MXI1: variants seen among roughly 807,000 people sequenced by gnomAD.
The protein encoded by MXI1 is MAX interactor 1, dimerization protein.
In MXI1, 18 loss-of-function variants were observed where a neutral mutation model predicts 36.9. The observed-to-expected ratio is 0.49, with a 90% CI of 0.34 to 0.72. The LOEUF is 0.72. Among genes scored for constraint, MXI1 ranks in the 30% least tolerant of loss-of-function variants. The pLI is 0.01. For missense variants in MXI1, 304 were observed against 379.1 expected, an observed-to-expected ratio of 0.80 and a Z score of 1.64; for synonymous variants, 160 against 146.7, an observed-to-expected ratio of 1.09 and a Z score of -0.65.
chr10:110,226,463 TGTGGGG>T, intron 1 of MXI1: 1 of 133,456 alleles, frequency 7.5e-6, no homozygotes, highest in Non-Finnish European at 8.6e-6. Flanking sequence ...GGGAGGGGCG[TGTGGGG>T]AGGGGAGCGC....
chr10:110,214,822 T>C (rs1430988973), intron 1 of MXI1, among the ~76,000 whole-genome samples: 1 of 147,998 alleles, frequency 6.8e-6, no homozygotes, highest in Non-Finnish European at 1.5e-5. Context: ...GGGAGATGAA[T>C]TGTGGTTTTG....
intron 2 of MXI1, among the ~76,000 whole-genome samples, chr10:110,239,860 A>G (rs1208610581): frequency 1.3e-5 from 2 of 152,182 alleles, no homozygotes; most frequent in African/African-American, 4.8e-5. Context: ...AAGCAAAGAA[A>G]TATTACAAAT....
chr10:110,231,911 A>G (rs932396089), intron 2 of MXI1, among the ~76,000 whole-genome samples: 4 of 151,746 alleles, frequency 2.6e-5, no homozygotes, highest in Non-Finnish European at 5.9e-5. Flanking sequence ...TCCTAATCTC[A>G]GCTACCATCA....
chr10:110,278,303 CT>C (rs201433141), intron 3 of MXI1, among the ~76,000 whole-genome samples: 1,546 of 152,308 alleles, frequency 0.01, 13 homozygotes, highest in Non-Finnish European at 0.015. Flanking sequence ...TTTCCCTCAA[CT>C]TTCCCACAGG....
At position 110,285,534 on chromosome 10, in the gene MXI1, T is replaced by A. The variant is rs924397269; in HGVS notation, c.*547T>A. On this transcript the variant is annotated 3_prime_UTR_variant, in exon 6 of 6. Transcript: ENST00000332674. Reference sequence around the variant, plus strand: ...TGATCAATCCTTTATTATTATTTTTTTTTTTTGAAAAAAGCTCATTTCATG... The same window carrying A: ...TGATCAATCCTTTATTATTATTTTTATTTTTTGAAAAAAGCTCATTTCATG... 1.3e-5 allele frequency: 2 copies of A among 152,430 alleles called. No individual in the cohort carries two copies. The highest frequency in any genetic ancestry group is 6.6e-5 in the Admixed American group (1 of 15,260). 9.4% of individuals were successfully genotyped at this position (152,430 alleles called of 1,614,324 possible).
chr10:110,262,753 A>T lies in MXI1; in HGVS notation c.438-16427A>T, dbSNP rs149432469. ...ACTGAAAATCTAAGTCCCTGTAAGT[A>T]ATATGCTCTACCAGTCTGGTTAATG... On this transcript the variant is annotated intron_variant, in intron 3 of 5. Coordinates refer to ENST00000332674, the MANE Select transcript of MXI1 (RefSeq NM_130439.3). Among the ~76,000 whole-genome samples the T allele has an allele frequency of 3.0e-4, 45 of 152,260 alleles. 2 individuals carry two copies. The East Asian group carries it at 7.5e-3, about 25-fold the overall frequency.
At chr10:110,264,358 T>C (rs1856616958) in intron 3 of MXI1, among the ~76,000 whole-genome samples, 1 of 150,038 alleles carries the variant, frequency 6.7e-6, no homozygotes, top group Non-Finnish European at 1.5e-5. Context: ...AAGAAATATA[T>C]TAGTAATTGA....
chr10:110,218,767 G>C (rs1179699989), intron 1 of MXI1, among the ~76,000 whole-genome samples: 1 of 152,188 alleles, frequency 6.6e-6, no homozygotes, highest in Non-Finnish European at 1.5e-5. Flanking sequence ...CACCCTGTCA[G>C]GCTTATTAGG....
intron 2 of MXI1, among the ~76,000 whole-genome samples, chr10:110,231,359 T>TCCC (rs71486098): frequency 1.1e-4 from 14 of 123,632 alleles, no homozygotes; most frequent in African/African-American, 3.6e-4. Context: ...AGAGTGATAA[T>TCCC]CCACCCCCCC....
Position 110,286,851 on chromosome 10 carries a change from T to A in MXI1, c.*1864T>A, listed in dbSNP as rs897211703. The stretch of plus-strand genomic sequence containing the variant: ...GATGTGAGTGAAAAACTGCATGCCT[T>A]TAGAAGCCCAGTATCAGAACTTGCT... On this transcript the variant is annotated 3_prime_UTR_variant, in exon 6 of 6. Transcript: ENST00000332674. 2 of 152,224 alleles carry A rather than the reference T, an allele frequency of 1.3e-5. No individual in the cohort carries two copies. The highest frequency in any genetic ancestry group is 4.8e-5 in the African/African-American group (2 of 41,462). The allele number at this position is 152,224 out of a possible 1,614,324, so 9.4% of individuals were successfully genotyped here.
chr10:110,265,991 T>C (rs1478363005), intron 3 of MXI1, among the ~76,000 whole-genome samples: 1 of 152,212 alleles, frequency 6.6e-6, no homozygotes, highest in Admixed American at 6.5e-5. Flanking sequence ...TCAGCATGGA[T>C]AAGATAGATA....
chr10:110,281,161 C>G (rs1463017469), intron 5 of MXI1, among the ~76,000 whole-genome samples: 2 of 152,166 alleles, frequency 1.3e-5, no homozygotes, highest in Non-Finnish European at 2.9e-5. Flanking sequence ...GTATACCCAC[C>G]ATTCAGTTTG....
intron 2 of MXI1, among the ~76,000 whole-genome samples, chr10:110,238,303 C>T (rs903042904): frequency 6.6e-6 from 1 of 152,168 alleles, no homozygotes; most frequent in South Asian, 2.1e-4. Flanking sequence ...CATCCCCTAT[C>T]CTGAGTTATC....
At chr10:110,229,566 C>T (rs1000673909) in intron 2 of MXI1, among the ~76,000 whole-genome samples, 2 of 152,140 alleles carry the variant, frequency 1.3e-5, no homozygotes, top group Non-Finnish European at 2.9e-5. Context: ...TAGAGCTGCA[C>T]GTTTCCTTTT....
At position 110,280,032 on chromosome 10, in the gene MXI1, G is replaced by A. The variant is rs940200293; in HGVS notation, c.671G>A (p.Arg224Gln). The A allele has an allele frequency of 1.5e-5, 24 of 1,605,460 alleles. No homozygotes were observed. Among genetic ancestry groups the A allele is most frequent in the Non-Finnish European group, 2.0e-5 (23 of 1,174,606 alleles). ...GGTCCTCAGGAGATGGAACGAATAC[G>A]AATGGACAGCATTGGATCAACTATT... Reference protein sequence around the residue: ...LQGPQEMERIRMDSIGSTISS... With the variant: ...LQGPQEMERIQMDSIGSTISS... The change falls in exon 5 of 6, where the codon CGA becomes CAA. Residue 224 changes from arginine (R) to glutamine (Q), a missense_variant. Arg to Gln is a conservative substitution (Grantham distance 43). This residue lies in a region of MXI1 where 125 missense variants were observed against 194.3 expected (regional missense o/e 0.64). Transcript: ENST00000332674.
At chr10:110,280,197 A>G (rs1019438439) in intron 5 of MXI1, 112 bp downstream of exon 5, 2 of 881,214 alleles carry the variant, frequency 2.3e-6, no homozygotes, top group Non-Finnish European at 1.6e-6. Context: ...ACAGAGTAAC[A>G]TTGTAGGTTT....
At chr10:110,273,983 T>C (rs888164862) in intron 3 of MXI1, among the ~76,000 whole-genome samples, 1 of 152,226 alleles carries the variant, frequency 6.6e-6, no homozygotes, top group Non-Finnish European at 1.5e-5. Context: ...GAAAGGGTAT[T>C]CTTTCCTCTC....
chr10:110,234,848 C>T (rs908610968), intron 2 of MXI1, among the ~76,000 whole-genome samples: 4 of 152,016 alleles, frequency 2.6e-5, no homozygotes, highest in East Asian at 1.9e-4. Flanking sequence ...AGTGTTGCTG[C>T]CTTACCTAAG....
intron 3 of MXI1, among the ~76,000 whole-genome samples, chr10:110,258,326 G>C (rs149885583): frequency 2.0e-3 from 302 of 152,250 alleles, no homozygotes; most frequent in African/African-American, 7.2e-3. Context: ...TTTTTAGACA[G>C]TAGGAGTCCA....
Sources: gnomAD v4.1 joint callset for allele counts (sites outside exome capture counted in the v4.1 genomes callset) on GRCh38, gnomAD v4.1.1 for gene constraint, gnomAD v4.1.1 regional missense constraint, MANE v1.5 for transcripts, NCBI Gene and HGNC (gene_info 2026-07-23, HGNC 2026-07-21) for gene names.